SNX29: variants seen among roughly 807,000 people sequenced by gnomAD.
SNX29 encodes sorting nexin 29, also known as sorting nexin-29.
In SNX29, 78 loss-of-function variants were observed where a neutral mutation model predicts 102.1. The ratio of observed to expected loss-of-function variants is 0.76; its 90% CI spans 0.64 to 0.92. The LOEUF (loss-of-function observed/expected upper bound fraction) is 0.92, where lower values mean the gene tolerates loss of function less well. SNX29 is among the 40% of genes least tolerant of loss of function. SNX29 has a pLI of 0.00. For synonymous variants in SNX29, 580 were observed against 414.5 expected (o/e 1.40, Z -4.85); for missense variants, 1,280 against 1,061.7 (o/e 1.21, Z -2.86).
chr16:11,982,511 G>T (rs921307521), intron 1 of SNX29, among the ~76,000 whole-genome samples: 12 of 148,306 alleles, frequency 8.1e-5, no homozygotes, highest in African/African-American at 3.0e-4. Flanking sequence ...CTCACTGCCA[G>T]CTCTGCCTCC....
intron 20 of SNX29, chr16:12,526,998 C>T (rs1309324314): frequency 7.5e-6 from 3 of 398,006 alleles, no homozygotes; most frequent in South Asian, 2.6e-5. Flanking sequence ...CTTTTCAAAA[C>T]GAGAATTTCA....
At chr16:12,242,548 T>C (rs2078138709) in intron 14 of SNX29, among the ~76,000 whole-genome samples, 1 of 151,142 alleles carries the variant, frequency 6.6e-6, no homozygotes, top group African/African-American at 2.4e-5. Flanking sequence ...GGTTCAGCTG[T>C]GTCTGATTTG....
chr16:12,481,539 CACACACACACACACA>C (rs2087928506), intron 19 of SNX29, among the ~76,000 whole-genome samples: 2 of 151,020 alleles, frequency 1.3e-5, no homozygotes, highest in Admixed American at 6.6e-5. Flanking sequence ...CACACACACA[CACACACACACACACA>C]CCCCAAATGT....
At chr16:12,559,751 C>T (rs184680311) in intron 20 of SNX29, among the ~76,000 whole-genome samples, 1 of 152,118 alleles carries the variant, frequency 6.6e-6, no homozygotes, top group Non-Finnish European at 1.5e-5. Flanking sequence ...GATGCCCAGC[C>T]TGACAGCAGT....
intron 18 of SNX29, among the ~76,000 whole-genome samples, chr16:12,412,772 GAC>G (rs1347455937): frequency 2.6e-5 from 4 of 152,186 alleles, no homozygotes; most frequent in Non-Finnish European, 5.9e-5. Flanking sequence ...GGTAGAGGTG[GAC>G]ACACCCTCTT....
chr16:12,113,795 C>T (rs543079463), intron 11 of SNX29, among the ~76,000 whole-genome samples: 4 of 152,310 alleles, frequency 2.6e-5, no homozygotes, highest in East Asian at 1.9e-4. Flanking sequence ...GGCCGGCGAG[C>T]GGCCAGCGGA....
intron 14 of SNX29, among the ~76,000 whole-genome samples, chr16:12,254,891 A>C (rs1190069377): frequency 6.6e-6 from 1 of 152,168 alleles, no homozygotes; most frequent in Non-Finnish European, 1.5e-5. Flanking sequence ...ATGAGAGAGT[A>C]GGAGAGGGGC....
chr16:12,015,397 T>G (rs2056814022), intron 3 of SNX29, among the ~76,000 whole-genome samples: 1 of 152,022 alleles, frequency 6.6e-6, no homozygotes, highest in Admixed American at 6.6e-5. Flanking sequence ...CGCACCACCA[T>G]GCCTGGCTAA....
chr16:12,383,136 G>T (rs1349938786), intron 16 of SNX29, among the ~76,000 whole-genome samples: 1 of 152,112 alleles, frequency 6.6e-6, no homozygotes, highest in East Asian at 1.9e-4. Flanking sequence ...ATTAAGTTAA[G>T]CATCTCTTTG....
In SNX29 at chr16:12,370,067, G is replaced by A. The variant is rs557577698; in HGVS notation, c.1899+13788G>A. On this transcript the variant is annotated intron_variant, in intron 16 of 20. Transcript: ENST00000566228. ...GAAACCCTGTCTCTACTAAAAATAC[G>A]AAAAAGTAACTGGGCGTGGTAGCAT... is the stretch of plus-strand genomic sequence containing the variant. 1.0e-3 allele frequency among the ~76,000 whole-genome samples: 144 copies of A among 143,822 alleles called. 1 individual carries two copies. The highest frequency in any genetic ancestry group is 3.6e-3 in the African/African-American group (138 of 38,786). 94.4% of individuals were successfully genotyped at this position (143,822 alleles called of 152,430 possible). A position where few individuals can be genotyped will look rare whatever the true frequency, so the allele number is the denominator to read the frequency against.
At chr16:12,355,462 T>C (rs2082103137) in intron 15 of SNX29, among the ~76,000 whole-genome samples, 1 of 152,006 alleles carries the variant, frequency 6.6e-6, no homozygotes, top group Non-Finnish European at 1.5e-5. Flanking sequence ...CTTGGGAAGG[T>C]TAGGGAGCTA....
intron 9 of SNX29, among the ~76,000 whole-genome samples, 181 bp from the exon 10 acceptor site, chr16:12,068,876 C>G (rs1020618408): frequency 6.6e-5 from 10 of 152,176 alleles, no homozygotes; most frequent in African/African-American, 2.4e-4. Context: ...GATGCCAAGT[C>G]TGAGATTATC....
intron 18 of SNX29, among the ~76,000 whole-genome samples, chr16:12,450,414 A>G (rs78220425): frequency 6.6e-6 from 1 of 152,192 alleles, no homozygotes; most frequent in East Asian, 1.9e-4. Flanking sequence ...AATGGGATCA[A>G]CTTGACTTCA....
At chr16:12,005,157 C>T (rs1490298559) in intron 3 of SNX29, among the ~76,000 whole-genome samples, 1 of 152,154 alleles carries the variant, frequency 6.6e-6, no homozygotes, top group Non-Finnish European at 1.5e-5. Flanking sequence ...CACTTTGTGC[C>T]TGTCGTACAT....
At chr16:12,139,557 G>T (rs1303420595) in intron 13 of SNX29, among the ~76,000 whole-genome samples, 1 of 152,178 alleles carries the variant, frequency 6.6e-6, no homozygotes, top group Non-Finnish European at 1.5e-5. Context: ...CCTCCTGTTG[G>T]CATCTTCTCT....
chr16:12,544,561 A>T (rs960986033), intron 20 of SNX29, among the ~76,000 whole-genome samples: 1 of 152,136 alleles, frequency 6.6e-6, no homozygotes, highest in Non-Finnish European at 1.5e-5. Context: ...TGTTACAGTG[A>T]TGGATTCATT....
intron 14 of SNX29, among the ~76,000 whole-genome samples, chr16:12,230,819 CGTATGTATGTAT>C (rs72479138): frequency 4.7e-5 from 7 of 150,286 alleles, no homozygotes; most frequent in Non-Finnish European, 8.9e-5. Context: ...TGTAATAAGT[CGTATGTATGTAT>C]GTATGTATGT....
intron 19 of SNX29, among the ~76,000 whole-genome samples, chr16:12,483,116 T>TG: frequency 1.1e-5 from 1 of 93,074 alleles, no homozygotes; most frequent in Non-Finnish European, 2.0e-5. Context: ...GTTATTAAGT[T>TG]TTTTTTTTTT....
intron 14 of SNX29, among the ~76,000 whole-genome samples, chr16:12,264,815 C>T (rs997444445): frequency 6.6e-6 from 1 of 151,852 alleles, no homozygotes; most frequent in Non-Finnish European, 1.5e-5. Flanking sequence ...CACTTATTAT[C>T]TATTGATCTA....
Sources: allele counts gnomAD v4.1 joint callset (sites outside exome capture counted in the v4.1 genomes callset), GRCh38; gene constraint gnomAD v4.1.1; transcripts MANE v1.5; gene names NCBI Gene and HGNC (gene_info 2026-07-23, HGNC 2026-07-21).